The following PSRC1 variants were observed in gnomAD, a reference collection of about 807,000 sequenced individuals.
PSRC1 encodes proline and serine rich coiled-coil 1.
A neutral mutation model predicts 31.9 loss-of-function variants in PSRC1; 30 were observed. The ratio of observed to expected loss-of-function variants is 0.94; its 90% CI spans 0.70 to 1.28. The LOEUF is 1.28. PSRC1 is among the 50% of genes most tolerant of loss of function. PSRC1 has a pLI of 0.00. For missense variants in PSRC1, 481 were observed against 472.8 expected (o/e 1.02, Z -0.16); for synonymous variants, 191 against 192.1 (o/e 0.99, Z 0.05).
chr1:109,282,378 C>T, intron 3 of PSRC1, 140 bp downstream of exon 3: 1 of 738,560 alleles, frequency 1.4e-6, no homozygotes, highest in South Asian at 1.7e-5. Flanking sequence ...TCATAGAGGC[C>T]CGAGTCAGCC....
At chr1:109,280,180 GC>G in intron 6 of PSRC1, 24 bp from the exon 8 acceptor site, 1 of 1,612,886 alleles carries the variant, frequency 6.2e-7, no homozygotes, top group Non-Finnish European at 8.5e-7. Flanking sequence ...AGGAATAACT[GC>G]TTTAAAATGC....
Position 109,282,744 on chromosome 1 carries a change from G to T in PSRC1, c.-33-13C>A, listed in dbSNP as rs1456167983. 3.2e-6 allele frequency: 5 copies of T among 1,549,574 alleles called. No homozygotes were observed. The highest frequency in any genetic ancestry group is 1.4e-5 in the African/African-American group (1 of 73,106). ...AGTCCAGTTAGATCTGAGCTGGAGA[G>T]AAACCATACCTTTCCTCAGGTATCC... On this transcript the variant is annotated splice_polypyrimidine_tract_variant and intron_variant, in intron 1 of 6. Transcript: ENST00000409138.
At position 109,282,203 on chromosome 1, in the gene PSRC1, T is replaced by C. The variant is rs921975692; in HGVS notation, c.78-143A>G. On this transcript the variant is annotated intron_variant, in intron 3 of 6. Coordinates refer to ENST00000409138, the Ensembl canonical transcript of PSRC1. ...CCCATGCTGGCTGTGAGATGTGGCC[T>C]CTGGGCGATGAGATACCTGGTTCTA... 3 of 754,870 alleles carry C rather than the reference T, an allele frequency of 4.0e-6. No homozygotes were observed. In the African/African-American group the frequency reaches 5.3e-5, roughly 13 times the overall value. 46.8% of individuals were successfully genotyped at this position (754,870 alleles called of 1,614,324 possible). A position where few individuals can be genotyped will look rare whatever the true frequency, so the allele number is the denominator to read the frequency against.
chr1:109,279,880 C>A, exon 7 of PSRC1: 1 of 530,980 alleles, frequency 1.9e-6, no homozygotes. Context: ...CTTGCCTGTA[C>A]TTCTCATCTT....
chr1:109,281,190 C>G, exon 5 of PSRC1: 1 of 1,613,432 alleles, frequency 6.2e-7, no homozygotes, highest in Non-Finnish European at 8.5e-7. Flanking sequence ...GGGAGTCGAT[C>G]GGGTAAGAGG....
exon 7 of PSRC1, chr1:109,279,852 G>T: frequency 1.3e-5 from 6 of 467,522 alleles, no homozygotes; most frequent in Non-Finnish European, 3.9e-6. Context: ...AACAGTGGGG[G>T]TGGATAAAGA....
At chr1:109,283,026 A>C in intron 1 of PSRC1, 37 bp downstream of exon 1, 1 of 462,538 alleles carries the variant, frequency 2.2e-6, no homozygotes, top group Non-Finnish European at 3.9e-6. Context: ...TCCCCAAGCC[A>C]CCTTTCCACT....
At chr1:109,280,453 C>T in exon 6 of PSRC1, 5 of 1,613,508 alleles carry the variant, frequency 3.1e-6, no homozygotes, top group Non-Finnish European at 4.2e-6. Context: ...GCGAGTGGCA[C>T]CCATGACAGG....
At position 109,282,665 on chromosome 1, in the gene PSRC1, C is replaced by A. The variant is rs376286896; in HGVS notation, c.19+15G>T. 2 of 1,567,974 alleles carry A rather than the reference C, an allele frequency of 1.3e-6. No individual in the cohort carries two copies. The highest frequency in any genetic ancestry group is 1.7e-6 in the Non-Finnish European group (2 of 1,154,980). Reference sequence around the variant, plus strand: ...TCACTCCTCCCTTTCATTCTTCCCTCCCTCCTTTCCTTACCTTCCTCCAAA... The same window carrying A: ...TCACTCCTCCCTTTCATTCTTCCCTACCTCCTTTCCTTACCTTCCTCCAAA... On this transcript the variant is annotated intron_variant, in intron 2 of 6. Coordinates refer to ENST00000409138, the Ensembl canonical transcript of PSRC1.
At chr1:109,280,296 T>C (rs1656829593) in intron 6 of PSRC1, 100 bp downstream of exon 7, 1 of 1,414,654 alleles carries the variant, frequency 7.1e-7, no homozygotes, top group East Asian at 2.3e-5. Flanking sequence ...CCTCTCTCCA[T>C]CTTTCCATAC....
chr1:109,282,591 G>A lies in PSRC1; in HGVS notation c.20-16C>T. On this transcript the variant is annotated splice_polypyrimidine_tract_variant and intron_variant, in intron 2 of 6. Transcript: ENST00000409138. The stretch of plus-strand genomic sequence containing the variant: ...AACCTTACATCTGAAGGGGAAAGAA[G>A]AATGAAAGCCAGTCATGGGTCCCTG... 6.2e-7 allele frequency: 1 copy of A among 1,613,446 alleles called. No individual in the cohort carries two copies. Among genetic ancestry groups the A allele is most frequent in the Middle Eastern group, 1.6e-4 (1 of 6,062 alleles).
At chr1:109,281,891 G>A (rs781488238) in exon 4 of PSRC1, 70 of 1,611,492 alleles carry the variant, frequency 4.3e-5, no homozygotes, top group African/African-American at 1.6e-4. Flanking sequence ...GCGGCCAGCC[G>A]GTTGGCCTCA....
rs926541818 is a variant in PSRC1 at position 109,282,151 on chromosome 1, C to A, written c.78-91G>T. ...ACTGCATAAAAGCCCCACAACAGAG[C>A]CAGGGACATGACCCTAGGCCCCGAT... is the stretch of plus-strand genomic sequence containing the variant. On this transcript the variant is annotated intron_variant, in intron 3 of 6. Transcript: ENST00000409138. 13 of 1,200,480 alleles carry A rather than the reference C, an allele frequency of 1.1e-5. No homozygotes were observed. In the Admixed American group the frequency reaches 2.4e-4, roughly 22 times the overall value. 74.4% of individuals were successfully genotyped at this position (1,200,480 alleles called of 1,614,324 possible).
chr1:109,280,905 C>T (rs752620108), exon 5 of PSRC1: 10 of 1,613,948 alleles, frequency 6.2e-6, no homozygotes, highest in Middle Eastern at 1.6e-4. Context: ...GAGTGGCATT[C>T]GGCTGGCAGG....
chr1:109,280,391 C>A lies in PSRC1; in HGVS notation c.1088+5G>T, dbSNP rs1433966008. 3 of 1,601,734 alleles carry A rather than the reference C, an allele frequency of 1.9e-6. No individual in the cohort carries two copies. The highest frequency in any genetic ancestry group is 1.7e-6 in the Non-Finnish European group (2 of 1,171,630). On this transcript the variant is annotated splice_donor_5th_base_variant and intron_variant, in intron 6 of 6. Transcript: ENST00000409138. ...ACAGGATGGGCAAGGGAGGACCAGA[C>A]TGACCTGGTAGGTCCTGGGACTGCC... is the stretch of plus-strand genomic sequence containing the variant.
intron 5 of PSRC1, 49 bp from the exon 7 acceptor site, chr1:109,280,538 C>A: frequency 1.4e-6 from 2 of 1,465,630 alleles, no homozygotes; most frequent in Non-Finnish European, 1.9e-6. Flanking sequence ...GTTTAACTGA[C>A]CTCGAAAAGA....
intron 6 of PSRC1, 67 bp from the exon 8 acceptor site, chr1:109,280,223 A>AG: frequency 6.3e-7 from 1 of 1,583,416 alleles, no homozygotes; most frequent in Admixed American, 1.7e-5. Flanking sequence ...GTCACCCAGC[A>AG]GAATTCAAGC....
rs777947189 is a variant in PSRC1 at position 109,280,395 on chromosome 1, C to T, written c.1088+1G>A. Reference sequence around the variant, plus strand: ...GATGGGCAAGGGAGGACCAGACTGACCTGGTAGGTCCTGGGACTGCCACTT... The same window carrying T: ...GATGGGCAAGGGAGGACCAGACTGATCTGGTAGGTCCTGGGACTGCCACTT... On this transcript the variant is annotated splice_donor_variant, in intron 6 of 6. Coordinates refer to ENST00000409138, the Ensembl canonical transcript of PSRC1. LOFTEE classifies it high-confidence loss of function. 1 of 1,604,122 alleles carries T rather than the reference C, an allele frequency of 6.2e-7. No homozygotes were observed. Among genetic ancestry groups the T allele is most frequent in the Non-Finnish European group, 8.5e-7 (1 of 1,173,104 alleles).
chr1:109,280,992 G>A lies in PSRC1; in HGVS notation c.779C>T (p.Ser260Phe), dbSNP rs762318401. 2.5e-6 allele frequency: 4 copies of A among 1,610,748 alleles called. No homozygotes were observed. The South Asian group carries it at 4.4e-5, about 18-fold the overall frequency. The change falls in exon 5 of 7, where the codon TCT becomes TTT. Residue 260 changes from serine (S) to phenylalanine (F), a missense_variant. Transcript: ENST00000409138. ...TCCCTGCGGCCGGGGCAGGCGTTGA[G>A]AGTTGCTGGTAGAAGGCTGTGGGGC... is the stretch of plus-strand genomic sequence containing the variant.
Sources: gnomAD v4.1 joint callset for allele counts on GRCh38, gnomAD v4.1.1 for gene constraint, MANE v1.5 for transcripts, NCBI Gene and HGNC (gene_info 2026-07-23, HGNC 2026-07-21) for gene names.